MSI2: variants seen among roughly 807,000 people sequenced by gnomAD.
The protein encoded by MSI2 is musashi RNA binding protein 2.
MSI2 carries 17 observed loss-of-function variants against 45.6 expected under a neutral mutation model. The observed-to-expected ratio is 0.37, with a 90% CI of 0.26 to 0.56. MSI2 has a LOEUF of 0.56. MSI2 is among the 20% of genes least tolerant of loss of function. The pLI is 0.77. For missense variants in MSI2, 293 were observed against 444.2 expected, an observed-to-expected ratio of 0.66 and a Z score of 3.06; for synonymous variants, 156 against 158.2, an observed-to-expected ratio of 0.99 and a Z score of 0.11.
chr17:57,524,220 A>G (rs2086652453), intron 6 of MSI2, among the ~76,000 whole-genome samples: 1 of 152,208 alleles, frequency 6.6e-6, no homozygotes, highest in South Asian at 2.1e-4. Flanking sequence ...GGCCCAAAAC[A>G]GGCATACTCT....
chr17:57,485,671 T>G (rs1368262344), intron 6 of MSI2, among the ~76,000 whole-genome samples: 1 of 152,252 alleles, frequency 6.6e-6, no homozygotes, highest in Non-Finnish European at 1.5e-5. Flanking sequence ...AATCTTGATC[T>G]GCATGCTGAG....
intron 6 of MSI2, chr17:57,522,670 T>C (rs909882487): frequency 6.6e-6 from 1 of 152,102 alleles, no homozygotes; most frequent in African/African-American, 2.4e-5. Context: ...CTCATAGAAT[T>C]TCCTCCTTTC....
intron 5 of MSI2, among the ~76,000 whole-genome samples, chr17:57,284,597 C>T (rs1909707808): frequency 2.0e-5 from 3 of 152,152 alleles, no homozygotes; most frequent in African/African-American, 7.2e-5. Context: ...ACGTAAAACA[C>T]TCTGACCCCA....
At chr17:57,285,175 GCA>G (rs1296653053) in intron 5 of MSI2, among the ~76,000 whole-genome samples, 4 of 152,156 alleles carry the variant, frequency 2.6e-5, no homozygotes, top group Non-Finnish European at 5.9e-5. Context: ...GGACCCTGAG[GCA>G]CATACTGTTT....
Position 57,596,371 on chromosome 17 carries a change from G to GT in MSI2, c.455-494dup, listed in dbSNP as rs1905248939. Among the ~76,000 whole-genome samples, 3 of 152,220 alleles carry GT rather than the reference G, an allele frequency of 2.0e-5. No individual in the cohort carries two copies. On this transcript the variant is annotated intron_variant, in intron 7 of 13. Transcript: ENST00000284073. This position sits in a 1 kb window ranked among gnomAD's most constrained non-coding sequence, Gnocchi z 4.6. ...GAACAGAGGCCTGAAACTTTTAATAGTTTCTTCCAGGCCTCAGGATGTCCT... is the reference window on the plus strand; with the variant it reads ...GAACAGAGGCCTGAAACTTTTAATAGTTTTCTTCCAGGCCTCAGGATGTCCT...
Position 57,596,773 on chromosome 17 carries a change from G to C in MSI2, c.455-95G>C. 1.2e-6 allele frequency: 1 copy of C among 826,766 alleles called. No individual in the cohort carries two copies. Among genetic ancestry groups the C allele is most frequent in the South Asian group, 1.4e-5 (1 of 72,088 alleles). The allele number at this position is 826,766 out of a possible 1,614,324, so 51.2% of individuals were successfully genotyped here. A position where few individuals can be genotyped will look rare whatever the true frequency, so the allele number is the denominator to read the frequency against. On this transcript the variant is annotated intron_variant, in intron 7 of 13. Coordinates refer to ENST00000284073, the MANE Select transcript of MSI2 (RefSeq NM_138962.4). This position sits in a 1 kb window ranked among gnomAD's most constrained non-coding sequence, Gnocchi z 4.6. ...CTACCTACCCCCAGACCAGGAGGCTGTCAAGACCTCAGGACGTCAGAGAAA... is the reference window on the plus strand; with the variant it reads ...CTACCTACCCCCAGACCAGGAGGCTCTCAAGACCTCAGGACGTCAGAGAAA...
chr17:57,573,447 G>A (rs1392472412), intron 7 of MSI2, among the ~76,000 whole-genome samples: 1 of 152,100 alleles, frequency 6.6e-6, no homozygotes, highest in Non-Finnish European at 1.5e-5. Context: ...TTGAGAATAA[G>A]TTCTAGGCAC....
chr17:57,690,482 T>G, the MSI2 span, among the ~76,000 whole-genome samples: 3 of 151,440 alleles, frequency 2.0e-5, no homozygotes, highest in Non-Finnish European at 4.4e-5. Flanking sequence ...AGCTGGTCAT[T>G]GCAGTGTGCA....
At chr17:57,632,751 A>G (rs944599243) in intron 10 of MSI2, 2 of 1,065,762 alleles carry the variant, frequency 1.9e-6, no homozygotes, top group African/African-American at 1.6e-5. Flanking sequence ...CTCAAGAGTC[A>G]CTGCTTTGTC....
At chr17:57,567,088 G>A (rs1002797317) in intron 7 of MSI2, among the ~76,000 whole-genome samples, 20 of 152,176 alleles carry the variant, frequency 1.3e-4, no homozygotes, top group African/African-American at 4.8e-4. Context: ...GGATGGAAGG[G>A]TCTATTCCAG....
At chr17:57,402,123 G>T (rs1164605063) in intron 6 of MSI2, among the ~76,000 whole-genome samples, 1 of 152,200 alleles carries the variant, frequency 6.6e-6, no homozygotes, top group Non-Finnish European at 1.5e-5. Context: ...CAGACCGACT[G>T]ATAGGACATG....
Position 57,342,059 on chromosome 17 carries a change from A to G in MSI2, c.313-59320A>G, listed in dbSNP as rs1915211531. Among the ~76,000 whole-genome samples, 4 of 152,340 alleles carry G rather than the reference A, an allele frequency of 2.6e-5. No homozygotes were observed. The South Asian group carries it at 8.3e-4, about 32-fold the overall frequency. On this transcript the variant is annotated intron_variant, in intron 5 of 13. Coordinates refer to ENST00000284073, the MANE Select transcript of MSI2 (RefSeq NM_138962.4). ...CAAAAGAGGATCTGTTTTCTAAAAG[A>G]AAAAAGAATTTTTGAAGTAGATCCT...
At chr17:57,383,667 AT>A (rs147702883) in intron 5 of MSI2, among the ~76,000 whole-genome samples, 10,745 of 152,086 alleles carry the variant, frequency 0.071, 485 homozygotes, top group African/African-American at 0.12. Flanking sequence ...TCTAAAAAAA[AT>A]AAAATAATAA....
intron 5 of MSI2, chr17:57,262,445 G>C: frequency 2.4e-6 from 1 of 418,872 alleles, no homozygotes; most frequent in East Asian, 3.6e-5. Context: ...TGTTTCCATC[G>C]ACTGCAGTAT....
At chr17:57,498,752 C>T (rs1375492409) in intron 6 of MSI2, among the ~76,000 whole-genome samples, 2 of 152,052 alleles carry the variant, frequency 1.3e-5, no homozygotes, top group African/African-American at 4.8e-5. Context: ...GTTCATGGAA[C>T]CTTTCTTTCT....
chr17:57,652,038 G>T lies in MSI2; in HGVS notation c.728-61G>T. On this transcript the variant is annotated intron_variant, in intron 10 of 13. Coordinates refer to ENST00000284073, the MANE Select transcript of MSI2 (RefSeq NM_138962.4). The surrounding 1 kb of genome is among the most constrained non-coding windows in gnomAD (Gnocchi z 4.1). ...GGGGGTTGTGTGGCCCGTGACCTAGGTCTGTGCCTGGCCCTTTCAAGGATT... is the reference window on the plus strand; with the variant it reads ...GGGGGTTGTGTGGCCCGTGACCTAGTTCTGTGCCTGGCCCTTTCAAGGATT... The T allele has an allele frequency of 6.5e-7, 1 of 1,529,530 alleles. No individual in the cohort carries two copies. Among genetic ancestry groups the T allele is most frequent in the Non-Finnish European group, 9.1e-7 (1 of 1,103,316 alleles). The allele number at this position is 1,529,530 out of a possible 1,614,324, so 94.7% of individuals were successfully genotyped here.
chr17:57,313,312 C>T (rs1056787581), intron 5 of MSI2, among the ~76,000 whole-genome samples: 4 of 152,224 alleles, frequency 2.6e-5, no homozygotes, highest in Non-Finnish European at 4.4e-5. Context: ...CACGTCCACA[C>T]TCGGAAGATG....
At chr17:57,497,373 C>T (rs190802423) in intron 6 of MSI2, among the ~76,000 whole-genome samples, 1 of 152,152 alleles carries the variant, frequency 6.6e-6, no homozygotes, top group African/African-American at 2.4e-5. Context: ...AGTGACCCCA[C>T]GTATAAAGCG....
intron 5 of MSI2, among the ~76,000 whole-genome samples, chr17:57,274,671 G>T (rs573278379): frequency 6.6e-6 from 1 of 152,210 alleles, no homozygotes; most frequent in Non-Finnish European, 1.5e-5. Flanking sequence ...ACACACACAC[G>T]TGGTTGTGCG....
Sources: allele counts gnomAD v4.1 joint callset (sites outside exome capture counted in the v4.1 genomes callset), GRCh38; gene constraint gnomAD v4.1.1; non-coding constraint Gnocchi (gnomAD v3.1); transcripts MANE v1.5; gene names NCBI Gene and HGNC (gene_info 2026-07-23, HGNC 2026-07-21).